The following TTYH1 variants were observed in gnomAD, a reference collection of about 807,000 sequenced individuals.
TTYH1 encodes tweety family member 1.
Under a neutral mutation model 61.2 loss-of-function variants are expected in TTYH1, and 33 were observed. The observed-to-expected ratio is 0.54, with a 90% CI of 0.41 to 0.72. The LOEUF (loss-of-function observed/expected upper bound fraction) is 0.72. Ranked by LOEUF, TTYH1 falls within the 30% of genes least tolerant of loss-of-function variation. The pLI is 0.00. For synonymous variants in TTYH1, 308 were observed against 266.4 expected (o/e 1.16, Z -1.52); for missense variants, 538 against 575.8 (o/e 0.93, Z 0.67).
chr19:54,425,724 TTC>T (rs1758207656), intron 4 of TTYH1, among the ~76,000 whole-genome samples: 1 of 151,412 alleles, frequency 6.6e-6, no homozygotes, highest in African/African-American at 2.4e-5. Flanking sequence ...TTTTTTTTTT[TTC>T]ATTTTTGAGA....
chr19:54,427,157 T>C (rs1351838839), intron 5 of TTYH1, among the ~76,000 whole-genome samples: 6 of 144,448 alleles, frequency 4.2e-5, no homozygotes, highest in South Asian at 2.2e-4. Flanking sequence ...ATTAGCTGGG[T>C]GTGGTGGCAT....
In TTYH1 at chr19:54,435,813, C is replaced by T. The variant is rs2083536505; in HGVS notation, c.1269-15C>T. 3.1e-6 allele frequency: 5 copies of T among 1,613,742 alleles called. No homozygotes were observed. Among genetic ancestry groups the T allele is most frequent in the South Asian group, 2.2e-5 (2 of 90,978 alleles). Reference sequence around the variant, plus strand: ...CCCATCCCGCCTCTCTGCCATGCCCCGCATCAAACCCCAGTGACGACTACG... The same window carrying T: ...CCCATCCCGCCTCTCTGCCATGCCCTGCATCAAACCCCAGTGACGACTACG... On this transcript the variant is annotated splice_polypyrimidine_tract_variant and intron_variant, in intron 11 of 13. Coordinates refer to ENST00000376530, the MANE Select transcript of TTYH1 (RefSeq NM_020659.4).
chr19:54,421,529 C>T lies in TTYH1; in HGVS notation c.417+141C>T. 1.5e-6 allele frequency: 1 copy of T among 669,414 alleles called. No homozygotes were observed. The highest frequency in any genetic ancestry group is 2.7e-6 in the Non-Finnish European group (1 of 370,436). The allele number at this position is 669,414 out of a possible 1,614,324, so 41.5% of individuals were successfully genotyped here. A position where few individuals can be genotyped will look rare whatever the true frequency, so the allele number is the denominator to read the frequency against. On this transcript the variant is annotated intron_variant, in intron 3 of 13. Transcript: ENST00000376530. The surrounding 1 kb of genome is among the most constrained non-coding windows in gnomAD (Gnocchi z 4.8). ...CAGATTCAGAACTTCATCCTGAGAC[C>T]CACAGACCTCAGACTATCCACCCAA...
At chr19:54,428,201 T>G (rs1384238541) in intron 5 of TTYH1, among the ~76,000 whole-genome samples, 1 of 146,504 alleles carries the variant, frequency 6.8e-6, no homozygotes, top group Non-Finnish European at 1.5e-5. Context: ...GCAATTCTCC[T>G]GCTTCAGCCT....
chr19:54,422,470 G>A, intron 4 of TTYH1, 60 bp downstream of exon 4: 2 of 1,419,406 alleles, frequency 1.4e-6, no homozygotes, highest in Non-Finnish European at 1.9e-6. Context: ...TCCCCGGGGG[G>A]ACAGTTGGCA....
rs1336182442 is a variant in TTYH1, at chr19:54,419,220, G to A, written c.219G>A (p.Arg73=). The A allele has an allele frequency of 2.5e-6, 4 of 1,609,812 alleles. No individual in the cohort carries two copies. The African/African-American group carries it at 4.0e-5, about 16-fold the overall frequency. ...AVYLIRFCCC[R]PPEPPGSKIP... ...ACCTCATCCGCTTCTGCTGCTGCCG[G>A]CCCCCCGAGCCCCCCGGGTCCAAGA... The change falls in exon 2 of 14, where the codon CGG becomes CGA. Residue 73 remains arginine, a synonymous_variant. Transcript: ENST00000376530. This position sits in a 1 kb window ranked among gnomAD's most constrained non-coding sequence, Gnocchi z 6.1.
Position 54,429,474 on chromosome 19 carries a change from G to T in TTYH1, c.807+95G>T. ...GGGATGGCATGGCTTAGTAGAGAAA[G>T]GAATTGGGGGGCACGATCACAGCTC... On this transcript the variant is annotated intron_variant, in intron 6 of 13. Coordinates refer to ENST00000376530, the MANE Select transcript of TTYH1 (RefSeq NM_020659.4). The surrounding 1 kb of genome is among the most constrained non-coding windows in gnomAD (Gnocchi z 5.1). The T allele has an allele frequency of 8.8e-7, 1 of 1,140,184 alleles. No homozygotes were observed. Among genetic ancestry groups the T allele is most frequent in the Non-Finnish European group, 1.3e-6 (1 of 766,612 alleles). 70.6% of individuals were successfully genotyped at this position (1,140,184 alleles called of 1,614,324 possible). A position where few individuals can be genotyped will look rare whatever the true frequency, so the allele number is the denominator to read the frequency against.
chr19:54,425,897 G>A (rs1200388229), intron 4 of TTYH1, among the ~76,000 whole-genome samples: 1 of 151,566 alleles, frequency 6.6e-6, no homozygotes, highest in Admixed American at 6.6e-5. Flanking sequence ...TGTATTTTTA[G>A]TAAAGACGGG....
rs2083388376 is a variant in TTYH1, at chr19:54,429,357, G to A, written c.785G>A (p.Gly262Asp). ...LVLVLSWGSMGLEAATAVGLS... is the reference protein window; with the variant it reads ...LVLVLSWGSMDLEAATAVGLS... Reference sequence around the variant, plus strand: ...CTCGTCCTGAGCTGGGGCTCCATGGGCCTGGAGGCAGCCACGGCCGTGGTG... The same window carrying A: ...CTCGTCCTGAGCTGGGGCTCCATGGACCTGGAGGCAGCCACGGCCGTGGTG... Residue 262 changes from glycine (G) to aspartate (D), a missense_variant, in exon 6 of 14, where the codon GGC becomes GAC. Gly to Asp is a moderately conservative substitution (Grantham distance 94, BLOSUM62 -1). Coordinates refer to ENST00000376530, the MANE Select transcript of TTYH1 (RefSeq NM_020659.4). This position sits in a 1 kb window ranked among gnomAD's most constrained non-coding sequence, Gnocchi z 5.1. The A allele has an allele frequency of 6.2e-7, 1 of 1,614,032 alleles. No homozygotes were observed. The highest frequency in any genetic ancestry group is 8.5e-7 in the Non-Finnish European group (1 of 1,180,020).
chr19:54,429,317 A>T lies in TTYH1; in HGVS notation c.745A>T (p.Met249Leu). The T allele has an allele frequency of 6.2e-7, 1 of 1,614,110 alleles. No homozygotes were observed. Among genetic ancestry groups the T allele is most frequent in the Non-Finnish European group, 8.5e-7 (1 of 1,179,992 alleles). ...SKWLVIVMTV[M>L]SLLVLVLSWG... ...CCTCCCCCACTCTAGGATGACAGTC[A>T]TGAGTCTCCTGGTTCTCGTCCTGAG... is the stretch of plus-strand genomic sequence containing the variant. The change falls in exon 6 of 14, where the codon ATG becomes TTG. Residue 249 changes from methionine (M) to leucine (L), a missense_variant. Met to Leu is a conservative substitution (Grantham distance 15). Transcript: ENST00000376530. This position sits in a 1 kb window ranked among gnomAD's most constrained non-coding sequence, Gnocchi z 5.1.
At chr19:54,426,618 G>A (rs918994023) in intron 4 of TTYH1, 55 bp from the exon 5 acceptor site, 17 of 1,440,698 alleles carry the variant, frequency 1.2e-5, no homozygotes, top group Non-Finnish European at 1.7e-5. Flanking sequence ...TTGCTGTTCC[G>A]CCGGGGTGCC....
rs1338084640 is a variant in TTYH1, at chr19:54,436,202, C to T, written c.*42+31C>T. Reference sequence around the variant, plus strand: ...CTTCCAAGGGCCACCCCAGCTCCTGCAGCCGGGCCTCTGCCCCCCTCCCGC... The same window carrying T: ...CTTCCAAGGGCCACCCCAGCTCCTGTAGCCGGGCCTCTGCCCCCCTCCCGC... On this transcript the variant is annotated intron_variant, in intron 13 of 13. Transcript: ENST00000376530. This position sits in a 1 kb window ranked among gnomAD's most constrained non-coding sequence, Gnocchi z 4.3. 6.2e-7 allele frequency: 1 copy of T among 1,608,784 alleles called. No individual in the cohort carries two copies. The highest frequency in any genetic ancestry group is 8.5e-7 in the Non-Finnish European group (1 of 1,175,624).
chr19:54,428,847 C>T (rs1470729487), intron 5 of TTYH1, among the ~76,000 whole-genome samples: 1 of 152,164 alleles, frequency 6.6e-6, no homozygotes, highest in African/African-American at 2.4e-5. Context: ...GGTCACCCTA[C>T]CAATGCTGAC....
intron 7 of TTYH1, among the ~76,000 whole-genome samples, 169 bp downstream of exon 7, chr19:54,430,126 G>A (rs1005087689): frequency 6.6e-5 from 10 of 152,126 alleles, no homozygotes; most frequent in Non-Finnish European, 1.5e-4. Flanking sequence ...CCCCAGCTCG[G>A]AGCCCTCCTG....
At position 54,416,795 on chromosome 19, in the gene TTYH1, G is replaced by T; in HGVS notation, c.126+1117G>T. On this transcript the variant is annotated intron_variant, in intron 1 of 13. Coordinates refer to ENST00000376530, the MANE Select transcript of TTYH1 (RefSeq NM_020659.4). The surrounding 1 kb of genome is among the most constrained non-coding windows in gnomAD (Gnocchi z 7.0). ...GCCGTCCCCTCGCCCACAGCCTCGC[G>T]GTTACACAACGGCCACCTCCAACAA... is the stretch of plus-strand genomic sequence containing the variant. 2 of 1,294,088 alleles carry T rather than the reference G, an allele frequency of 1.5e-6. No individual in the cohort carries two copies. The highest frequency in any genetic ancestry group is 1.2e-5 in the South Asian group (1 of 81,016). The allele number at this position is 1,294,088 out of a possible 1,614,324, so 80.2% of individuals were successfully genotyped here. A position where few individuals can be genotyped will look rare whatever the true frequency, so the allele number is the denominator to read the frequency against.
chr19:54,422,418 G>A lies in TTYH1; in HGVS notation c.638+8G>A, dbSNP rs181763161. 11 of 1,518,658 alleles carry A rather than the reference G, an allele frequency of 7.2e-6. No individual in the cohort carries two copies. The highest frequency in any genetic ancestry group is 2.4e-5 in the East Asian group (1 of 42,026). 94.1% of individuals were successfully genotyped at this position (1,518,658 alleles called of 1,614,324 possible). A position where few individuals can be genotyped will look rare whatever the true frequency, so the allele number is the denominator to read the frequency against. On this transcript the variant is annotated splice_region_variant and intron_variant, in intron 4 of 13. Coordinates refer to ENST00000376530, the MANE Select transcript of TTYH1 (RefSeq NM_020659.4). ...CTTTGTGGAGGAGTACAGGTGAGAC[G>A]CTGCTCTTCTTGCTCTCTGTGCCGG...
intron 10 of TTYH1, chr19:54,433,861 C>T (rs2083488392): frequency 6.6e-6 from 1 of 152,250 alleles, no homozygotes; most frequent in Admixed American, 6.6e-5. Flanking sequence ...TGGGCTGCAA[C>T]TTCTTTCCAC....
intron 4 of TTYH1, among the ~76,000 whole-genome samples, chr19:54,422,928 C>CA (rs573699988): frequency 0.17 from 14,035 of 84,178 alleles, 1,441 homozygotes; most frequent in Middle Eastern, 0.23. Context: ...GACTCCATCT[C>CA]AAAAAAAAAA....
chr19:54,422,765 C>T (rs767838474), intron 4 of TTYH1, among the ~76,000 whole-genome samples: 1 of 151,642 alleles, frequency 6.6e-6, no homozygotes, highest in Non-Finnish European at 1.5e-5. Context: ...CCCGTCTCTA[C>T]CAAAAATACA....
Sources: gnomAD v4.1 joint callset for allele counts (sites outside exome capture counted in the v4.1 genomes callset) on GRCh38, gnomAD v4.1.1 for gene constraint, Gnocchi (gnomAD v3.1) non-coding constraint, MANE v1.5 for transcripts, NCBI Gene and HGNC (gene_info 2026-07-23, HGNC 2026-07-21) for gene names.